BRS3: variants seen among roughly 807,000 people sequenced by gnomAD.
The protein encoded by BRS3 is bombesin receptor subtype 3, also known as bombesin receptor subtype-3.
Under a neutral mutation model 18.8 loss-of-function variants are expected in BRS3, and 5 were observed. The ratio of observed to expected loss-of-function variants is 0.27; its 90% CI spans 0.14 to 0.56. The LOEUF (loss-of-function observed/expected upper bound fraction) is 0.56, where lower values mean the gene tolerates loss of function less well. Among genes scored for constraint, BRS3 ranks in the 20% least tolerant of loss-of-function variants. BRS3 has a pLI of 0.93. For synonymous variants in BRS3, 121 were observed against 115.0 expected (o/e 1.05, Z -0.33); for missense variants, 215 against 296.3 (o/e 0.73, Z 2.01).
intron 2 of BRS3, 70 bp downstream of exon 2, chrX:136,490,554 G>T: frequency 1.5e-5 from 12 of 798,690 alleles, no homozygotes; most frequent in Non-Finnish European, 2.1e-5. Context: ...TTTGCACAGT[G>T]AGTAACTGTG....
chrX:136,489,122 A>C (rs1246341557), intron 1 of BRS3, among the ~76,000 whole-genome samples: 1 of 112,131 alleles, frequency 8.9e-6, no homozygotes, highest in African/African-American at 3.2e-5. Context: ...GCATTCAGTG[A>C]CATTATCATT....
At chrX:136,490,025 C>T (rs924574930) in intron 1 of BRS3, 108 bp from the exon 2 acceptor site, 4 of 584,731 alleles carry the variant, frequency 6.8e-6, no homozygotes, top group Non-Finnish European at 5.3e-6. Flanking sequence ...TGGTTATACA[C>T]ATATGCACGG....
intron 2 of BRS3, 80 bp from the exon 3 acceptor site, chrX:136,491,882 T>G: frequency 2.2e-6 from 2 of 928,129 alleles, no homozygotes; most frequent in Non-Finnish European, 2.8e-6. Context: ...CAGCTAAATG[T>G]TTTGTTTTTT....
intron 2 of BRS3, 51 bp from the exon 3 acceptor site, chrX:136,491,911 G>GGGTTTTTTTTTTT: frequency 1.7e-6 from 1 of 600,600 alleles, no homozygotes; most frequent in East Asian, 5.8e-5. Flanking sequence ...GTTGTTTTTT[G>GGGTTTTTTTTTTT]TGTTTTTTTT....
At chrX:136,490,017 G>T in intron 1 of BRS3, 116 bp from the exon 2 acceptor site, 3 of 530,939 alleles carry the variant, frequency 5.7e-6, no homozygotes, top group South Asian at 7.7e-5. Flanking sequence ...TGTTGACTTG[G>T]TTATACACAT....
rs754593042 is a variant in BRS3 at position 136,491,913 on chromosome X, G to GTT, written c.787-24_787-23dup. 216 of 436,781 alleles carry GTT rather than the reference G, an allele frequency of 4.9e-4. 10 individuals carry two copies. The highest frequency in any genetic ancestry group is 2.2e-3 in the East Asian group (22 of 10,128). 36.0% of individuals were successfully genotyped at this position (436,781 alleles called of 1,213,427 possible). On this transcript the variant is annotated intron_variant, in intron 2 of 2. Transcript: ENST00000370648. ...TTTTTTTGTTGTTGTTGTTTTTTGTGTTTTTTTTTTTTTTTTTTTTTTTTT... is the reference window on the plus strand; with the variant it reads ...TTTTTTTGTTGTTGTTGTTTTTTGTGTTTTTTTTTTTTTTTTTTTTTTTTTTT...
rs750391961 is a variant in BRS3 at position 136,492,518 on chromosome X, T to C, written c.*143T>C. The C allele has an allele frequency of 3.2e-5, 17 of 528,092 alleles. No individual in the cohort carries two copies. In the South Asian group the frequency reaches 7.6e-4, roughly 23 times the overall value. 43.5% of individuals were successfully genotyped at this position (528,092 alleles called of 1,213,427 possible). On this transcript the variant is annotated 3_prime_UTR_variant, in exon 3 of 3. Transcript: ENST00000370648. ...GAAGGATCCCTATAAGTAAGTAAAA[T>C]ACAAACCATTACTTTCTTCAAAGTA...
rs749381844 is a variant in BRS3 at position 136,488,315 on chromosome X, T to C, written c.201T>C (p.Ile67=). The C allele has an allele frequency of 1.7e-6, 2 of 1,210,328 alleles. No individual in the cohort carries two copies. Among genetic ancestry groups the C allele is most frequent in the Non-Finnish European group, 2.2e-6 (2 of 895,289 alleles). The stretch of plus-strand genomic sequence containing the variant: ...CAGTGGGCATCCTTGGAAATGCTAT[T>C]CTCATCAAAGTCTTTTTCAAGACCA... ...IISVGILGNA[I]LIKVFFKTKS... The change falls in exon 1 of 3, where the codon ATT becomes ATC. Residue 67 remains isoleucine (I), a synonymous_variant. Transcript: ENST00000370648.
At chrX:136,489,580 C>G (rs2075662750) in intron 1 of BRS3, among the ~76,000 whole-genome samples, 1 of 111,336 alleles carries the variant, frequency 9.0e-6, no homozygotes, top group Non-Finnish European at 1.9e-5. Context: ...TTGCCTCGCC[C>G]TAAATCTGTC....
rs1201897321 is a variant in BRS3, at chrX:136,493,465, C to A, written c.*1090C>A. 9.0e-6 allele frequency: 1 copy of A among 110,676 alleles called. No individual in the cohort carries two copies. The highest frequency in any genetic ancestry group is 3.3e-5 in the African/African-American group (1 of 30,367). 9.1% of individuals were successfully genotyped at this position (110,676 alleles called of 1,213,427 possible). A position where few individuals can be genotyped will look rare whatever the true frequency, so the allele number is the denominator to read the frequency against. ...TGTCAATAGACGTGTCAGATTTAGA[C>A]CTGTGGTTTCAGAAAAATTTTTGGA... On this transcript the variant is annotated 3_prime_UTR_variant, in exon 3 of 3. Coordinates refer to ENST00000370648, the MANE Select transcript of BRS3 (RefSeq NM_001727.2).
intron 2 of BRS3, 121 bp from the exon 3 acceptor site, chrX:136,491,841 A>C: frequency 1.3e-6 from 1 of 794,358 alleles, no homozygotes; most frequent in Non-Finnish European, 1.7e-6. Flanking sequence ...TTTCTATGTA[A>C]ATTTATAGGA....
At chrX:136,490,056 C>A in intron 1 of BRS3, 77 bp from the exon 2 acceptor site, 1 of 846,920 alleles carries the variant, frequency 1.2e-6, no homozygotes, top group Non-Finnish European at 1.6e-6. Flanking sequence ...TGGATGACCA[C>A]TAAGGTCACT....
rs757902588 is a variant in BRS3, at chrX:136,488,252, A to T, written c.138A>T (p.Ala46=). 9.9e-6 allele frequency: 12 copies of T among 1,210,200 alleles called. No individual in the cohort carries two copies. The East Asian group carries it at 3.0e-4, about 30-fold the overall frequency. ...WSGDNSPGIE[A]LCAIYITYAV... is the part of the protein sequence containing the mutation. ...GGGACAACTCTCCAGGAATAGAAGC[A>T]TTGTGTGCCATCTATATTACTTATG... The change falls in exon 1 of 3, where the codon GCA becomes GCT. Residue 46 remains alanine, a synonymous_variant. Transcript: ENST00000370648.
chrX:136,492,444 T>C lies in BRS3; in HGVS notation c.*69T>C. The C allele has an allele frequency of 3.8e-6, 4 of 1,064,494 alleles. No homozygotes were observed. The highest frequency in any genetic ancestry group is 5.0e-6 in the Non-Finnish European group (4 of 804,681). The allele number at this position is 1,064,494 out of a possible 1,213,427, so 87.7% of individuals were successfully genotyped here. ...CGACTCTAAGCTGTGTGCAGGTGTA[T>C]GGTGTCCAGATTTTTGTTGTTTGAA... On this transcript the variant is annotated 3_prime_UTR_variant, in exon 3 of 3. Coordinates refer to ENST00000370648, the MANE Select transcript of BRS3 (RefSeq NM_001727.2).
At chrX:136,490,535 G>A (rs1214990772) in intron 2 of BRS3, 51 bp downstream of exon 2, 14 of 976,138 alleles carry the variant, frequency 1.4e-5, no homozygotes, top group Non-Finnish European at 1.9e-5. Flanking sequence ...TAGAAGTGAA[G>A]TTCCTACTTT....
At position 136,490,261 on chromosome X, in the gene BRS3, T is replaced by C; in HGVS notation, c.563T>C (p.Val188Ala). 1 of 1,211,039 alleles carries C rather than the reference T, an allele frequency of 8.3e-7. No homozygotes were observed. The change falls in exon 2 of 3, where the codon GTA becomes GCA. Residue 188 changes from valine to alanine, a missense_variant. This residue lies in a region of BRS3 where 123 missense variants were observed against 207.6 expected (regional missense o/e 0.59). Coordinates refer to ENST00000370648, the MANE Select transcript of BRS3 (RefSeq NM_001727.2). ...CTACCTGAGGCTATATTTTCAAATGTATACACTTTTCGAGATCCCAATAAA... is the reference window on the plus strand; with the variant it reads ...CTACCTGAGGCTATATTTTCAAATGCATACACTTTTCGAGATCCCAATAAA... The part of the protein sequence containing the change: ...FALPEAIFSN[V>A]YTFRDPNKNM...
At chrX:136,489,932 A>T (rs2075663668) in intron 1 of BRS3, among the ~76,000 whole-genome samples, 1 of 112,028 alleles carries the variant, frequency 8.9e-6, no homozygotes, top group Admixed American at 9.5e-5. Context: ...AATAATGGAA[A>T]AGGAGATTAG....
In BRS3 at chrX:136,491,944, T is replaced by TTTTGTTG; in HGVS notation, c.787-18_787-17insTTTGTTG. 1.6e-6 allele frequency: 1 copy of TTTTGTTG among 625,444 alleles called. No individual in the cohort carries two copies. Among genetic ancestry groups the TTTTGTTG allele is most frequent in the Non-Finnish European group, 2.2e-6 (1 of 458,338 alleles). 51.5% of individuals were successfully genotyped at this position (625,444 alleles called of 1,213,427 possible). A position where few individuals can be genotyped will look rare whatever the true frequency, so the allele number is the denominator to read the frequency against. On this transcript the variant is annotated splice_polypyrimidine_tract_variant and intron_variant, in intron 2 of 2. Coordinates refer to ENST00000370648, the MANE Select transcript of BRS3 (RefSeq NM_001727.2). ...TTTTTTTTTTTTTTTTTTTTTGCTA[T>TTTTGTTG]GTTTCTTCCCCCTATAGATTGAATC...
At chrX:136,488,791 G>T (rs964578199) in intron 1 of BRS3, among the ~76,000 whole-genome samples, 1 of 112,183 alleles carries the variant, frequency 8.9e-6, no homozygotes, top group Non-Finnish European at 1.9e-5. Flanking sequence ...CTTATTGTTT[G>T]CTCGGAAGTA....
Sources: allele counts gnomAD v4.1 joint callset (sites outside exome capture counted in the v4.1 genomes callset), GRCh38; gene constraint gnomAD v4.1.1; regional missense constraint gnomAD v4.1.1; transcripts MANE v1.5; gene names NCBI Gene and HGNC (gene_info 2026-07-23, HGNC 2026-07-21).